UBR3: variants seen among roughly 807,000 people sequenced by gnomAD.
The protein encoded by UBR3 is E3 ubiquitin-protein ligase UBR3.
Under a neutral mutation model 243.2 loss-of-function variants are expected in UBR3, and 85 were observed. That is an observed-to-expected ratio of 0.35 (90% CI 0.29 to 0.42). The LOEUF is 0.42. UBR3 is among the 10% of genes least tolerant of loss of function. UBR3 has a pLI of 1.00. For missense variants in UBR3, 1,686 were observed against 2,300.8 expected (o/e 0.73, Z 5.47); for synonymous variants, 748 against 799.8 (o/e 0.94, Z 1.09).
chr2:170,043,026 C>T (rs983554515), intron 32 of UBR3, among the ~76,000 whole-genome samples: 1 of 152,010 alleles, frequency 6.6e-6, no homozygotes, highest in African/African-American at 2.4e-5. Flanking sequence ...TTGGATCATG[C>T]TGGTTTACTC....
At chr2:169,946,427 G>A in intron 21 of UBR3, 35 bp downstream of exon 21, 2 of 1,279,058 alleles carry the variant, frequency 1.6e-6, no homozygotes, top group Non-Finnish European at 2.1e-6. Context: ...TTTTTAGATA[G>A]GCAGCCCCTA....
rs1333650131 is a variant in UBR3, at chr2:169,947,612, G to A, written c.2981G>A (p.Arg994Gln). The A allele has an allele frequency of 7.2e-6, 11 of 1,535,482 alleles. No individual in the cohort carries two copies. The Admixed American group carries it at 1.0e-4, about 14-fold the overall frequency. Reference protein sequence around the residue: ...FPGSNLVSNMRHFINYVRVRV... With the variant: ...FPGSNLVSNMQHFINYVRVRV... ...GGCAGTAACTTAGTGTCAAACATGC[G>A]ACACTTTATAAACTATGTTAGAGTA... The change falls in exon 22 of 39, where the codon CGA becomes CAA. Residue 994 changes from arginine to glutamine, a missense_variant. Transcript: ENST00000272793.
chr2:169,860,159 C>G (rs1285974926), intron 1 of UBR3, among the ~76,000 whole-genome samples: 1 of 152,064 alleles, frequency 6.6e-6, no homozygotes, highest in Non-Finnish European at 1.5e-5. Context: ...ACTTTTGGGT[C>G]TATGTCTGTT....
At chr2:170,051,468 C>T (rs2091215296) in intron 32 of UBR3, among the ~76,000 whole-genome samples, 1 of 152,112 alleles carries the variant, frequency 6.6e-6, no homozygotes, top group Admixed American at 6.5e-5. Flanking sequence ...CCTCAGCCTT[C>T]CAAGTAGCTG....
chr2:170,049,009 T>C (rs960239237), intron 32 of UBR3, among the ~76,000 whole-genome samples: 1 of 152,190 alleles, frequency 6.6e-6, no homozygotes, highest in African/African-American at 2.4e-5. Context: ...ATCATAGGTA[T>C]GTATGTACAG....
chr2:170,004,625 TG>T (rs1480483981), intron 27 of UBR3, among the ~76,000 whole-genome samples: 2 of 151,972 alleles, frequency 1.3e-5, no homozygotes, highest in African/African-American at 4.8e-5. Flanking sequence ...AAAACCACTT[TG>T]GGGGCCAGGT....
intron 1 of UBR3, among the ~76,000 whole-genome samples, chr2:169,834,442 A>G (rs1263254085): frequency 1.3e-5 from 2 of 152,214 alleles, no homozygotes; most frequent in East Asian, 1.9e-4. Context: ...CCTAGAAGTT[A>G]TATCTTGGTT....
chr2:169,914,778 T>C (rs1454562726), intron 11 of UBR3, among the ~76,000 whole-genome samples: 1 of 152,106 alleles, frequency 6.6e-6, no homozygotes, highest in Non-Finnish European at 1.5e-5. Context: ...ATCTGATTTC[T>C]GAACCTGGGC....
At chr2:169,976,025 T>G (rs1254692088) in intron 24 of UBR3, among the ~76,000 whole-genome samples, 1 of 152,102 alleles carries the variant, frequency 6.6e-6, no homozygotes, top group African/African-American at 2.4e-5. Flanking sequence ...GCTTGAAATT[T>G]TTTTTTTAAT....
intron 8 of UBR3, among the ~76,000 whole-genome samples, chr2:169,902,605 A>G (rs1337658758): frequency 8.5e-6 from 1 of 117,440 alleles, no homozygotes; most frequent in Non-Finnish European, 1.7e-5. Flanking sequence ...TCACTTCCTC[A>G]GGAGAGTCTT....
chr2:170,055,683 G>C, intron 33 of UBR3, 99 bp downstream of exon 33: 1 of 1,428,368 alleles, frequency 7.0e-7, no homozygotes, highest in Non-Finnish European at 9.4e-7. Flanking sequence ...ATGAGTTATT[G>C]GTATTTTAAT....
chr2:169,915,725 T>C (rs905061297), intron 11 of UBR3, among the ~76,000 whole-genome samples: 3 of 152,262 alleles, frequency 2.0e-5, no homozygotes, highest in Admixed American at 2.0e-4. Context: ...TGGTACCTGC[T>C]AGACTCCTTC....
In UBR3 at chr2:170,000,487, G is replaced by T. The variant is rs73017694; in HGVS notation, c.3919-817G>T. On this transcript the variant is annotated intron_variant, in intron 26 of 38. Coordinates refer to ENST00000272793, the MANE Select transcript of UBR3 (RefSeq NM_172070.4). ...ATATGATTTGGGAACTGATATTGTG[G>T]TATGAAGGTAAGAGTGTGATATAGA... Among the ~76,000 whole-genome samples the T allele has an allele frequency of 4.6e-3, 702 of 152,340 alleles. 1 individual carries two copies. Among genetic ancestry groups the T allele is most frequent in the African/African-American group, 0.015 (635 of 41,570 alleles).
At chr2:169,838,724 A>G (rs10189087) in intron 1 of UBR3, among the ~76,000 whole-genome samples, 148,790 of 152,304 alleles carry the variant, frequency 0.98, 72,761 homozygotes, top group East Asian at 1. Flanking sequence ...CATTCCAGTA[A>G]CTCCAGAAGT....
chr2:169,975,677 G>A (rs2088400778), intron 24 of UBR3, among the ~76,000 whole-genome samples: 2 of 152,042 alleles, frequency 1.3e-5, no homozygotes, highest in East Asian at 1.9e-4. Context: ...TCTGGGTGTG[G>A]TACCTTGTGT....
chr2:169,993,785 G>A (rs2089381717), intron 25 of UBR3, among the ~76,000 whole-genome samples: 1 of 152,110 alleles, frequency 6.6e-6, no homozygotes, highest in Non-Finnish European at 1.5e-5. Context: ...TGAACGTATT[G>A]TATTATCTAT....
At chr2:170,065,403 C>T (rs2091540789) in intron 35 of UBR3, among the ~76,000 whole-genome samples, 1 of 152,094 alleles carries the variant, frequency 6.6e-6, no homozygotes, top group Admixed American at 6.5e-5. Context: ...TCTTGTGCCT[C>T]AGCCTCCCAA....
intron 31 of UBR3, among the ~76,000 whole-genome samples, chr2:170,036,264 A>G (rs1219750061): frequency 6.6e-6 from 1 of 152,088 alleles, no homozygotes; most frequent in Non-Finnish European, 1.5e-5. Context: ...AGTGAGAACA[A>G]TTATGTATTT....
intron 24 of UBR3, among the ~76,000 whole-genome samples, chr2:169,981,215 C>A (rs1013952134): frequency 1.3e-5 from 2 of 152,006 alleles, no homozygotes; most frequent in Non-Finnish European, 2.9e-5. Flanking sequence ...TAACTCCCCA[C>A]TCCTTAAGTG....
Sources: gnomAD v4.1 joint callset for allele counts (sites outside exome capture counted in the v4.1 genomes callset) on GRCh38, gnomAD v4.1.1 for gene constraint, MANE v1.5 for transcripts, NCBI Gene and HGNC (gene_info 2026-07-23, HGNC 2026-07-21) for gene names.